Variants in AOPEP observed in about 807,000 individuals in gnomAD.
AOPEP encodes aminopeptidase O (putative), also known as aminopeptidase O.
A neutral mutation model predicts 98.1 loss-of-function variants in AOPEP; 77 were observed. The observed-to-expected ratio is 0.78, with a 90% CI of 0.65 to 0.95. The LOEUF is 0.95. Ranked by LOEUF, AOPEP falls within the 40% of genes least tolerant of loss-of-function variation. The probability of loss-of-function intolerance (pLI) is 0.00; values close to 1 mark genes in which losing one functional copy is unlikely to be tolerated. For synonymous variants in AOPEP, 346 were observed against 365.3 expected, an observed-to-expected ratio of 0.95 and a Z score of 0.60; for missense variants, 1,024 against 1,024.7, an observed-to-expected ratio of 1.00 and a Z score of 0.01.
chr9:94,885,263 C>T (rs190275422), intron 5 of AOPEP, among the ~76,000 whole-genome samples: 6 of 137,026 alleles, frequency 4.4e-5, no homozygotes, highest in Admixed American at 2.5e-4. Context: ...GTGGGAGGAT[C>T]GCTTGAGCCT....
chr9:95,063,700 G>C (rs1295991688), intron 14 of AOPEP, among the ~76,000 whole-genome samples: 1 of 152,180 alleles, frequency 6.6e-6, no homozygotes, highest in Admixed American at 6.5e-5. Flanking sequence ...TTCACTGTGT[G>C]GGGGAAATAG....
At position 94,930,051 on chromosome 9, in the gene AOPEP, G is replaced by C. The variant is rs185008615; in HGVS notation, c.1661+1520G>C. ...GCTGCTCCAGGACCTTCAGCAGGAA[G>C]GTGGTATGATCTGCTCAGTATTTGG... On this transcript the variant is annotated intron_variant, in intron 7 of 16. Coordinates refer to ENST00000375315, the MANE Select transcript of AOPEP (RefSeq NM_001193329.3). This position sits in a 1 kb window ranked among gnomAD's most constrained non-coding sequence, Gnocchi z 4.5. Among the ~76,000 whole-genome samples the C allele has an allele frequency of 8.5e-5, 13 of 152,340 alleles. No homozygotes were observed. In the East Asian group the frequency reaches 2.5e-3, roughly 29 times the overall value.
At chr9:95,018,865 C>G (rs1371139514) in intron 13 of AOPEP, 1 of 152,200 alleles carries the variant, frequency 6.6e-6, no homozygotes, top group African/African-American at 2.4e-5. Context: ...GGGGACTTCT[C>G]TAAGGCAGCT....
chr9:94,895,649 C>A (rs1370298546), intron 5 of AOPEP, among the ~76,000 whole-genome samples: 1 of 151,836 alleles, frequency 6.6e-6, no homozygotes, highest in Non-Finnish European at 1.5e-5. Flanking sequence ...AGTGCAGTGG[C>A]ATGATCTCAG....
downstream of AOPEP, among the ~76,000 whole-genome samples, chr9:95,091,804 G>GGGT (rs2070870770): frequency 6.6e-6 from 1 of 152,160 alleles, no homozygotes; most frequent in African/African-American, 2.4e-5. Flanking sequence ...GCCGAGCCTG[G>GGGT]GGTGGAAGGA....
the AOPEP span, among the ~76,000 whole-genome samples, chr9:95,133,226 C>T: frequency 8.5e-5 from 13 of 152,238 alleles, no homozygotes; most frequent in Admixed American, 2.6e-4. Flanking sequence ...CACTGCAGGC[C>T]CAGGATGCTG....
intron 5 of AOPEP, among the ~76,000 whole-genome samples, chr9:94,907,122 A>G (rs2051265737): frequency 6.6e-6 from 1 of 152,202 alleles, no homozygotes; most frequent in South Asian, 2.1e-4. Context: ...TCAATGAAAA[A>G]GAGAGGAAAG....
intron 1 of AOPEP, among the ~76,000 whole-genome samples, chr9:94,754,292 T>C (rs1487550332): frequency 6.6e-6 from 1 of 152,206 alleles, no homozygotes; most frequent in African/African-American, 2.4e-5. Context: ...CTGACTGTTA[T>C]TAAGAGCAAT....
intron 5 of AOPEP, among the ~76,000 whole-genome samples, chr9:94,922,507 G>A (rs1276484020): frequency 2.0e-5 from 3 of 152,206 alleles, no homozygotes; most frequent in African/African-American, 7.2e-5. Flanking sequence ...GCTTTTTGTA[G>A]CATTGCACAT....
chr9:95,035,518 T>A (rs2064732298), intron 13 of AOPEP, among the ~76,000 whole-genome samples: 1 of 133,080 alleles, frequency 7.5e-6, no homozygotes, highest in African/African-American at 2.8e-5. Context: ...TTTTTTTTTT[T>A]TTTTTTTTTT....
chr9:95,107,868 A>G, the AOPEP span, among the ~76,000 whole-genome samples: 1 of 152,220 alleles, frequency 6.6e-6, no homozygotes, highest in Non-Finnish European at 1.5e-5. Context: ...CAGAGGCCAC[A>G]AGTCTGTGGA....
chr9:95,086,191 AC>A, intron 16 of AOPEP: 1 of 1,302,532 alleles, frequency 7.7e-7, no homozygotes, highest in Non-Finnish European at 1.0e-6. Context: ...CCCTGCGTCC[AC>A]CCCGGCCCGG....
chr9:95,069,160 C>T (rs1162480616), intron 14 of AOPEP, among the ~76,000 whole-genome samples: 5 of 152,236 alleles, frequency 3.3e-5, no homozygotes, highest in Non-Finnish European at 4.4e-5. Flanking sequence ...AATGCCCAAT[C>T]GACTTACTTG....
chr9:94,732,662 C>A (rs553182041), intron 1 of AOPEP, among the ~76,000 whole-genome samples: 28 of 152,210 alleles, frequency 1.8e-4, no homozygotes, highest in African/African-American at 6.5e-4. Context: ...GGATTTCATA[C>A]GGACCTGATT....
chr9:95,038,414 AC>A (rs1177149404), intron 13 of AOPEP, among the ~76,000 whole-genome samples: 4 of 152,080 alleles, frequency 2.6e-5, no homozygotes, highest in Non-Finnish European at 5.9e-5. Context: ...ACACATACAC[AC>A]CCCCAAAACA....
intron 5 of AOPEP, among the ~76,000 whole-genome samples, chr9:94,917,171 A>G (rs1344227176): frequency 6.6e-6 from 1 of 152,020 alleles, no homozygotes; most frequent in African/African-American, 2.4e-5. Flanking sequence ...GGTCTCCACA[A>G]CGTTCTCTCG....
intron 5 of AOPEP, among the ~76,000 whole-genome samples, chr9:94,822,236 G>C (rs1436158147): frequency 1.3e-5 from 2 of 152,192 alleles, no homozygotes; most frequent in African/African-American, 4.8e-5. Flanking sequence ...CCCCTTTAAG[G>C]ATGTGTTGAT....
chr9:95,128,910 T>A, the AOPEP span, among the ~76,000 whole-genome samples: 5 of 127,716 alleles, frequency 3.9e-5, no homozygotes, highest in Non-Finnish European at 7.8e-5. Context: ...ACCAGTCTCC[T>A]TTTTTTTTTT....
At chr9:94,944,222 C>T (rs913099086) in intron 7 of AOPEP, among the ~76,000 whole-genome samples, 1 of 152,092 alleles carries the variant, frequency 6.6e-6, no homozygotes, top group Admixed American at 6.6e-5. Flanking sequence ...ATAGAGTGAC[C>T]ATATAACCCT....
Sources: gnomAD v4.1 joint callset for allele counts (sites outside exome capture counted in the v4.1 genomes callset) on GRCh38, gnomAD v4.1.1 for gene constraint, Gnocchi (gnomAD v3.1) non-coding constraint, MANE v1.5 for transcripts, NCBI Gene and HGNC (gene_info 2026-07-23, HGNC 2026-07-21) for gene names.